Variants in TRAM1 observed in about 807,000 individuals in gnomAD.
The protein encoded by TRAM1 is translocating chain-associated membrane protein 1.
TRAM1 carries 17 observed loss-of-function variants against 48.7 expected under a neutral mutation model. That is an observed-to-expected ratio of 0.35 (90% CI 0.24 to 0.52). The LOEUF (loss-of-function observed/expected upper bound fraction) is 0.52. TRAM1 is among the 20% of genes least tolerant of loss of function. TRAM1 has a pLI of 0.94. For synonymous variants in TRAM1, 182 were observed against 154.0 expected, an observed-to-expected ratio of 1.18 and a Z score of -1.34; for missense variants, 351 against 441.5, an observed-to-expected ratio of 0.79 and a Z score of 1.84.
At chr8:70,587,264 G>T in intron 6 of TRAM1, 88 bp from the exon 7 acceptor site, 1 of 1,370,096 alleles carries the variant, frequency 7.3e-7, no homozygotes, top group Non-Finnish European at 1.0e-6. Context: ...TGTTGCCCAG[G>T]TTGGTCTCAA....
intron 10 of TRAM1, among the ~76,000 whole-genome samples, chr8:70,581,938 G>T (rs901273029): frequency 1.3e-5 from 2 of 152,204 alleles, no homozygotes; most frequent in South Asian, 2.1e-4. Flanking sequence ...ATAGATTAGA[G>T]GGTGCCGGAG....
At chr8:70,587,318 G>T (rs896342622) in intron 6 of TRAM1, 142 bp from the exon 7 acceptor site, 83 of 722,814 alleles carry the variant, frequency 1.1e-4, no homozygotes, top group Non-Finnish European at 1.4e-4. Flanking sequence ...CTTCCAAAGG[G>T]TTAGGATTTC....
In TRAM1 at chr8:70,607,375, A is replaced by C. The variant is rs901684602; in HGVS notation, c.123+702T>G. 1.5e-5 allele frequency: 15 copies of C among 985,380 alleles called. No homozygotes were observed. The African/African-American group carries it at 2.4e-4, about 16-fold the overall frequency. The allele number at this position is 985,380 out of a possible 1,614,324, so 61.0% of individuals were successfully genotyped here. A position where few individuals can be genotyped will look rare whatever the true frequency, so the allele number is the denominator to read the frequency against. On this transcript the variant is annotated intron_variant, in intron 1 of 10. Coordinates refer to ENST00000262213, the MANE Select transcript of TRAM1 (RefSeq NM_014294.6). ...TTATCCATCAGACCTTGTTTCTTTA[A>C]AGCGTCAGGGCAAAAAGTTCGTTAA...
chr8:70,586,569 G>T (rs530696139), intron 8 of TRAM1, among the ~76,000 whole-genome samples: 1 of 151,972 alleles, frequency 6.6e-6, no homozygotes, highest in African/African-American at 2.4e-5. Context: ...ATTATCTATT[G>T]TTTCACTTTC....
intron 6 of TRAM1, among the ~76,000 whole-genome samples, chr8:70,593,596 TAAA>T (rs35219621): frequency 1.5e-5 from 2 of 133,680 alleles, no homozygotes; most frequent in Non-Finnish European, 1.6e-5. Flanking sequence ...ATATGAGAAT[TAAA>T]AAAAAAAAAA....
Position 70,577,508 on chromosome 8 carries a change from G to C in TRAM1, c.1052-2503C>G, listed in dbSNP as rs564924272. On this transcript the variant is annotated intron_variant, in intron 10 of 10. Transcript: ENST00000262213. ...GGGCAGATGATGAGACTGTGGATAG[G>C]AGCTAACCACTTCAGGTCTCCTGAG... Among the ~76,000 whole-genome samples, 37 of 152,334 alleles carry C rather than the reference G, an allele frequency of 2.4e-4. No individual in the cohort carries two copies. The East Asian group carries it at 6.9e-3, about 29-fold the overall frequency.
At chr8:70,578,004 T>C (rs1816996442) in intron 10 of TRAM1, among the ~76,000 whole-genome samples, 1 of 152,228 alleles carries the variant, frequency 6.6e-6, no homozygotes, top group Non-Finnish European at 1.5e-5. Flanking sequence ...TTGTGTGTGC[T>C]TGCCCACACA....
intron 6 of TRAM1, among the ~76,000 whole-genome samples, chr8:70,590,632 G>A (rs151107793): frequency 6.6e-6 from 1 of 152,328 alleles, no homozygotes; most frequent in East Asian, 1.9e-4. Context: ...CTGAGTAACT[G>A]GGACTACAGG....
Position 70,608,138 on chromosome 8 carries a change from T to C in TRAM1, c.62A>G (p.Gln21Arg). Residue 21 changes from glutamine (Q) to arginine (R), a missense_variant, in exon 1 of 11, where the codon CAG (glutamine) becomes CGG (arginine). Coordinates refer to ENST00000262213, the MANE Select transcript of TRAM1 (RefSeq NM_014294.6). ...ACAGGAGACGATGTCCGCGTGATTC[T>C]GCAGGACGAATTCGTGGCTCAGCAC... ...PPVLSHEFVL[Q>R]NHADIVSCVA... 1 of 1,600,078 alleles carries C rather than the reference T, an allele frequency of 6.2e-7. No homozygotes were observed. The highest frequency in any genetic ancestry group is 2.3e-5 in the East Asian group (1 of 42,610).
rs768893855 is a variant in TRAM1 at position 70,597,880 on chromosome 8, A to G, written c.426+15T>C. ...GATAAGGAAGGAGAACAACAACCTA[A>G]GAGGACATACTTACAGAGATGAGAA... On this transcript the variant is annotated intron_variant, in intron 4 of 10. Transcript: ENST00000262213. 1.3e-6 allele frequency: 2 copies of G among 1,559,472 alleles called. No individual in the cohort carries two copies. The highest frequency in any genetic ancestry group is 4.6e-5 in the East Asian group (2 of 43,668).
In TRAM1 at chr8:70,608,327, C is replaced by G. The variant is rs1817801116; in HGVS notation, c.-128G>C. Reference sequence around the variant, plus strand: ...CCGCTGCAGCCGCTCGCTGGGGCTTCACTTCCCATCCCACAGCCAGTACGC... The same window carrying G: ...CCGCTGCAGCCGCTCGCTGGGGCTTGACTTCCCATCCCACAGCCAGTACGC... On this transcript the variant is annotated 5_prime_UTR_variant, in exon 1 of 11. Coordinates refer to ENST00000262213, the MANE Select transcript of TRAM1 (RefSeq NM_014294.6). 7.9e-7 allele frequency: 1 copy of G among 1,271,078 alleles called. No individual in the cohort carries two copies. Among genetic ancestry groups the G allele is most frequent in the Admixed American group, 2.9e-5 (1 of 34,432 alleles). 78.7% of individuals were successfully genotyped at this position (1,271,078 alleles called of 1,614,324 possible).
Position 70,573,587 on chromosome 8 carries a change from C to T in TRAM1, c.*1345G>A, listed in dbSNP as rs1325118706. On this transcript the variant is annotated 3_prime_UTR_variant, in exon 11 of 11. Coordinates refer to ENST00000262213, the MANE Select transcript of TRAM1 (RefSeq NM_014294.6). Reference sequence around the variant, plus strand: ...CTTTTTCCAGGAAGTAGGTTAACAGCTAGAAAGAAAAAGGACAATTTCCTA... The same window carrying T: ...CTTTTTCCAGGAAGTAGGTTAACAGTTAGAAAGAAAAAGGACAATTTCCTA... The T allele has an allele frequency of 6.6e-6, 1 of 152,490 alleles. No individual in the cohort carries two copies. The highest frequency in any genetic ancestry group is 2.4e-5 in the African/African-American group (1 of 41,400). 9.4% of individuals were successfully genotyped at this position (152,490 alleles called of 1,614,324 possible).
In TRAM1 at chr8:70,599,977, A is replaced by T; in HGVS notation, c.187+42T>A. 2.6e-6 allele frequency: 4 copies of T among 1,541,162 alleles called. No individual in the cohort carries two copies. In the South Asian group the frequency reaches 3.4e-5, roughly 13 times the overall value. On this transcript the variant is annotated intron_variant, in intron 2 of 10. Transcript: ENST00000262213. ...GAAAATTTCCAAGTTTGTTCAACTG[A>T]ACTTCTATTTACGTAGAAAATTCTT...
chr8:70,585,939 T>C (rs1817206797), intron 8 of TRAM1, among the ~76,000 whole-genome samples: 1 of 150,044 alleles, frequency 6.7e-6, no homozygotes, highest in Non-Finnish European at 1.5e-5. Flanking sequence ...ACCCAAAGGA[T>C]TATAAATCAT....
At chr8:70,608,043 C>T in intron 1 of TRAM1, 34 bp downstream of exon 1, 7 of 1,551,576 alleles carry the variant, frequency 4.5e-6, no homozygotes, top group Admixed American at 1.9e-5. Flanking sequence ...CTGGAGGTGG[C>T]GGGGCAGGCG....
chr8:70,586,794 T>C, intron 8 of TRAM1, 101 bp downstream of exon 8: 6 of 987,784 alleles, frequency 6.1e-6, no homozygotes, highest in Non-Finnish European at 7.6e-6. Context: ...TACTGATCGC[T>C]TAAAAAGTTA....
chr8:70,596,212 G>T (rs1817482773), intron 5 of TRAM1, 51 bp downstream of exon 5: 1 of 1,406,504 alleles, frequency 7.1e-7, no homozygotes, highest in Non-Finnish European at 9.6e-7. Context: ...CTGATTAATA[G>T]TGACATGACC....
intron 10 of TRAM1, among the ~76,000 whole-genome samples, chr8:70,581,951 G>A (rs891825851): frequency 3.9e-5 from 6 of 152,174 alleles, no homozygotes; most frequent in Admixed American, 6.6e-5. Flanking sequence ...TGCCGGAGCA[G>A]AATGAAGGGG....
At chr8:70,583,933 A>C (rs1817142651) in intron 8 of TRAM1, 140 bp from the exon 9 acceptor site, 1 of 958,920 alleles carries the variant, frequency 1.0e-6, no homozygotes, top group Non-Finnish European at 1.4e-6. Context: ...GAATTGCTTG[A>C]AACCAGAAGG....
Sources: gnomAD v4.1 joint callset for allele counts (sites outside exome capture counted in the v4.1 genomes callset) on GRCh38, gnomAD v4.1.1 for gene constraint, MANE v1.5 for transcripts, NCBI Gene and HGNC (gene_info 2026-07-23, HGNC 2026-07-21) for gene names.